DISC1: variants seen among roughly 807,000 people sequenced by gnomAD.
The protein encoded by DISC1 is DISC1 scaffold protein.
DISC1 carries 57 observed loss-of-function variants against 84.5 expected under a neutral mutation model. The observed-to-expected ratio is 0.67, with a 90% confidence interval of 0.55 to 0.84. The LOEUF (loss-of-function observed/expected upper bound fraction) is 0.84. Ranked by LOEUF, DISC1 falls within the 40% of genes least tolerant of loss-of-function variation. The pLI, the probability that DISC1 is intolerant of heterozygous loss-of-function variation, is 0.00. For missense variants in DISC1, 1,000 were observed against 1,057.8 expected, an observed-to-expected ratio of 0.95 and a Z score of 0.76; for synonymous variants, 411 against 415.2, an observed-to-expected ratio of 0.99 and a Z score of 0.12.
At chr1:231,834,074 T>G (rs1385945343) in intron 9 of DISC1, among the ~76,000 whole-genome samples, 3 of 152,132 alleles carry the variant, frequency 2.0e-5, no homozygotes, top group Non-Finnish European at 4.4e-5. Context: ...AAACACTATC[T>G]GATTTGGGAT....
chr1:231,713,811 G>T (rs1202748863), intron 3 of DISC1, among the ~76,000 whole-genome samples: 1 of 141,382 alleles, frequency 7.1e-6, no homozygotes, highest in African/African-American at 2.6e-5. Context: ...ATATATAGGA[G>T]ATATATATAT....
At chr1:231,791,517 G>A (rs894308755) in intron 6 of DISC1, among the ~76,000 whole-genome samples, 1 of 152,192 alleles carries the variant, frequency 6.6e-6, no homozygotes, top group African/African-American at 2.4e-5. Flanking sequence ...TTGGGAGAGT[G>A]TCTGGTACAT....
Position 232,009,142 on chromosome 1 carries a change from G to A in DISC1, c.2307+93G>A. On this transcript the variant is annotated intron_variant, in intron 11 of 12. Transcript: ENST00000439617. The surrounding 1 kb of genome is among the most constrained non-coding windows in gnomAD (Gnocchi z 4.6). ...AAATGGGAACAATAAATATTGGGAAGGCTTCCCATTGAGCATATAAACTTT... is the reference window on the plus strand; with the variant it reads ...AAATGGGAACAATAAATATTGGGAAAGCTTCCCATTGAGCATATAAACTTT... The A allele has an allele frequency of 1.9e-6, 3 of 1,572,442 alleles. No homozygotes were observed. The highest frequency in any genetic ancestry group is 2.6e-6 in the Non-Finnish European group (3 of 1,156,534).
At chr1:231,678,686 G>A (rs1175128544) in intron 1 of DISC1, among the ~76,000 whole-genome samples, 1 of 151,430 alleles carries the variant, frequency 6.6e-6, no homozygotes, top group Non-Finnish European at 1.5e-5. Flanking sequence ...TTTTTTCCTT[G>A]AGACGGAGTC....
At chr1:232,016,184 A>G (rs1423408132) in intron 11 of DISC1, among the ~76,000 whole-genome samples, 1 of 152,234 alleles carries the variant, frequency 6.6e-6, no homozygotes, top group Non-Finnish European at 1.5e-5. Context: ...ATAGTTGCAC[A>G]GTTTACAGTG....
chr1:231,670,032 T>C (rs1328330714), intron 1 of DISC1, among the ~76,000 whole-genome samples: 2 of 152,124 alleles, frequency 1.3e-5, no homozygotes, highest in Non-Finnish European at 2.9e-5. Context: ...CATGGAATAC[T>C]ATGCAGCCAT....
chr1:231,829,546 T>C (rs1377953428), intron 9 of DISC1, among the ~76,000 whole-genome samples: 1 of 152,128 alleles, frequency 6.6e-6, no homozygotes, highest in Non-Finnish European at 1.5e-5. Context: ...GAGACGGGAT[T>C]ATGCCATGTT....
Position 231,694,799 on chromosome 1 carries a change from G to T in DISC1, c.1041G>T (p.Gln347His). 6.2e-7 allele frequency: 1 copy of T among 1,613,626 alleles called. No homozygotes were observed. ...LRDCLLRNRRQMEVISLRLKL... is the reference protein window; with the variant it reads ...LRDCLLRNRRHMEVISLRLKL... ...ACTGCCTGCTGAGAAACCGGAGGCAGATGGAGGTCAGTGTCTCTTCCACCT... is the reference window on the plus strand; with the variant it reads ...ACTGCCTGCTGAGAAACCGGAGGCATATGGAGGTCAGTGTCTCTTCCACCT... The change falls in exon 2 of 13, where the codon CAG becomes CAT. Residue 347 changes from glutamine to histidine, a missense_variant. Gln to His is a conservative substitution (Grantham distance 24). Around this residue, in one of 3 missense-constraint regions of DISC1, gnomAD observed 311 missense variants for 400.1 expected, o/e 0.78. Transcript: ENST00000439617.
intron 4 of DISC1, chr1:231,750,653 C>T (rs1474179980): frequency 4.3e-6 from 4 of 939,990 alleles, no homozygotes; most frequent in Non-Finnish European, 5.1e-6. Flanking sequence ...CAGGCTCCTC[C>T]CCAGGCAAGC....
intron 10 of DISC1, among the ~76,000 whole-genome samples, chr1:231,999,164 C>T (rs1666339422): frequency 6.6e-6 from 1 of 152,018 alleles, no homozygotes; most frequent in Admixed American, 6.5e-5. Context: ...GGGAGGATTC[C>T]TGGTCTGGGA....
intron 4 of DISC1, among the ~76,000 whole-genome samples, chr1:231,753,149 A>C (rs1286702302): frequency 6.6e-6 from 1 of 152,240 alleles, no homozygotes; most frequent in Admixed American, 6.5e-5. Flanking sequence ...TCCACTAGGC[A>C]GTGCCCCAGT....
At chr1:231,840,615 T>C (rs1229798273) in intron 9 of DISC1, among the ~76,000 whole-genome samples, 1 of 152,058 alleles carries the variant, frequency 6.6e-6, no homozygotes. Flanking sequence ...AAGGGCAGGG[T>C]TTAGGAATTG....
chr1:231,844,298 C>T (rs1339319300), intron 9 of DISC1, among the ~76,000 whole-genome samples: 1 of 152,186 alleles, frequency 6.6e-6, no homozygotes, highest in Non-Finnish European at 1.5e-5. Context: ...CTCAGGAAAA[C>T]ACTTTACTTA....
intron 10 of DISC1, among the ~76,000 whole-genome samples, chr1:232,004,837 C>T (rs1341708764): frequency 6.6e-6 from 1 of 150,956 alleles, no homozygotes; most frequent in Non-Finnish European, 1.5e-5. Flanking sequence ...CCCTCCCTCC[C>T]TCGCTCCATC....
intron 3 of DISC1, among the ~76,000 whole-genome samples, chr1:231,732,508 G>A (rs1233519235): frequency 6.6e-5 from 10 of 152,262 alleles, no homozygotes; most frequent in South Asian, 6.2e-4. Flanking sequence ...AAATATGTAG[G>A]CATTGGGATA....
chr1:231,809,314 C>A (rs940501579), intron 8 of DISC1, among the ~76,000 whole-genome samples: 1 of 152,092 alleles, frequency 6.6e-6, no homozygotes, highest in Non-Finnish European at 1.5e-5. Flanking sequence ...AGTGAGGGAG[C>A]CTGGTGAGGG....
At chr1:231,892,797 G>A (rs1196625297) in intron 9 of DISC1, among the ~76,000 whole-genome samples, 1 of 152,032 alleles carries the variant, frequency 6.6e-6, no homozygotes, top group African/African-American at 2.4e-5. Context: ...TAAATAACGG[G>A]GAGAAAGATG....
intron 3 of DISC1, among the ~76,000 whole-genome samples, chr1:231,741,021 T>C (rs4658883): frequency 0.18 from 26,799 of 152,178 alleles, 2,595 homozygotes; most frequent in East Asian, 0.34. Flanking sequence ...TGTTTTTGCA[T>C]TTTGTTTATC....
rs571564888 is a variant in DISC1 at position 231,842,302 on chromosome 1, C to T, written c.1981+23785C>T. 2.6e-5 allele frequency among the ~76,000 whole-genome samples: 4 copies of T among 152,312 alleles called. No individual in the cohort carries two copies. The East Asian group carries it at 5.8e-4, about 22-fold the overall frequency. On this transcript the variant is annotated intron_variant, in intron 9 of 12. Transcript: ENST00000439617. ...AGTGCTGGGATTACGTGAGCCATTG[C>T]GCCCAGCCTTTTCGAGGCTATTAGT...
Sources: gnomAD v4.1 joint callset for allele counts (sites outside exome capture counted in the v4.1 genomes callset) on GRCh38, gnomAD v4.1.1 for gene constraint, gnomAD v4.1.1 regional missense constraint, Gnocchi (gnomAD v3.1) non-coding constraint, MANE v1.5 for transcripts, NCBI Gene and HGNC (gene_info 2026-07-23, HGNC 2026-07-21) for gene names.